Variants in LRMDA observed in about 807,000 individuals in gnomAD.
LRMDA encodes the protein leucine rich melanocyte differentiation associated, also known as leucine-rich melanocyte differentiation-associated protein.
LRMDA carries 18 observed loss-of-function variants against 29.8 expected under a neutral mutation model. That is an observed-to-expected ratio of 0.60 (90% confidence interval 0.42 to 0.90). The LOEUF is 0.90. LRMDA is among the 40% of genes least tolerant of loss of function. The pLI is 0.00. For synonymous variants in LRMDA, 125 were observed against 109.4 expected, an observed-to-expected ratio of 1.14 and a Z score of -0.89; for missense variants, 273 against 273.9, an observed-to-expected ratio of 1.00 and a Z score of 0.02.
chr10:75,602,410 G>A (rs1403564983), intron 2 of LRMDA, among the ~76,000 whole-genome samples: 1 of 152,124 alleles, frequency 6.6e-6, no homozygotes, highest in African/African-American at 2.4e-5. Context: ...TGAAGATATT[G>A]TTTTATTTTG....
intron 2 of LRMDA, among the ~76,000 whole-genome samples, chr10:75,739,673 AACTC>A (rs759393233): frequency 3.9e-5 from 6 of 152,208 alleles, no homozygotes; most frequent in Non-Finnish European, 7.3e-5. Flanking sequence ...ACTGATATAA[AACTC>A]ACACTTGAGA....
At chr10:75,464,316 A>C (rs1844626130) in intron 2 of LRMDA, among the ~76,000 whole-genome samples, 1 of 152,224 alleles carries the variant, frequency 6.6e-6, no homozygotes. Context: ...AAGGACATGT[A>C]CTAATGTTTG....
chr10:76,214,633 C>T (rs988758019), intron 5 of LRMDA, among the ~76,000 whole-genome samples: 24 of 152,206 alleles, frequency 1.6e-4, no homozygotes, highest in African/African-American at 5.5e-4. Flanking sequence ...TGTGAGCCAC[C>T]GCGCCCGGCC....
intron 6 of LRMDA, among the ~76,000 whole-genome samples, chr10:76,390,469 T>C (rs1287718048): frequency 4.1e-5 from 6 of 147,058 alleles, no homozygotes; most frequent in African/African-American, 1.3e-4. Flanking sequence ...TGGTGGTAGA[T>C]AGCATTGAAA....
chr10:75,986,260 C>T (rs1377249985), intron 2 of LRMDA, among the ~76,000 whole-genome samples: 1 of 152,160 alleles, frequency 6.6e-6, no homozygotes, highest in Non-Finnish European at 1.5e-5. Flanking sequence ...ACTACAATCT[C>T]GTGAAACTCT....
chr10:75,433,058 C>G (rs925971788), intron 1 of LRMDA, among the ~76,000 whole-genome samples: 2 of 152,004 alleles, frequency 1.3e-5, no homozygotes, highest in African/African-American at 4.8e-5. Flanking sequence ...CTAAAAATGA[C>G]GGGTCTTGTT....
chr10:76,471,096 G>C lies in LRMDA; in HGVS notation c.602-86113G>C, dbSNP rs371264415. On this transcript the variant is annotated intron_variant, in intron 6 of 6. Coordinates refer to ENST00000611255, the MANE Select transcript of LRMDA (RefSeq NM_001305581.2). ...ACCTGTATTGGTGTAAGGAAATGGC[G>C]CCAGATGGTAACCCAAATCTATAGG... 4.0e-5 allele frequency among the ~76,000 whole-genome samples: 6 copies of C among 151,850 alleles called. 1 individual carries two copies. The highest frequency in any genetic ancestry group is 4.2e-4 in the South Asian group (2 of 4,818).
intron 2 of LRMDA, among the ~76,000 whole-genome samples, chr10:75,516,311 A>G (rs946418126): frequency 6.6e-6 from 1 of 152,068 alleles, no homozygotes; most frequent in African/African-American, 2.4e-5. Flanking sequence ...ACTAATTTAC[A>G]CTCCCACCAA....
At chr10:76,438,535 T>C (rs1430775411) in intron 6 of LRMDA, 1 of 152,102 alleles carries the variant, frequency 6.6e-6, no homozygotes, top group African/African-American at 2.4e-5. Flanking sequence ...ATGGGGAGAT[T>C]ACCTGGCCAA....
At chr10:76,380,174 A>G (rs973832602) in intron 6 of LRMDA, among the ~76,000 whole-genome samples, 3 of 152,154 alleles carry the variant, frequency 2.0e-5, no homozygotes, top group Admixed American at 6.5e-5. Flanking sequence ...AGAAGAATGT[A>G]TATTCTGTGG....
chr10:76,240,447 A>G (rs1332233640), intron 5 of LRMDA, among the ~76,000 whole-genome samples: 1 of 148,154 alleles, frequency 6.7e-6, no homozygotes, highest in Non-Finnish European at 1.5e-5. Flanking sequence ...TATAATATAT[A>G]CATGTTATAT....
In LRMDA at chr10:76,422,742, A is replaced by G. The variant is rs191483558; in HGVS notation, c.601+98257A>G. On this transcript the variant is annotated intron_variant, in intron 6 of 6. Coordinates refer to ENST00000611255, the MANE Select transcript of LRMDA (RefSeq NM_001305581.2). ...ATGGAAATAACTATTTTGGAAGAAT[A>G]GAAGTGAAAGGTTTGCTGTTGTTTG... 2.7e-3 allele frequency among the ~76,000 whole-genome samples: 412 copies of G among 152,358 alleles called. 1 individual carries two copies. The highest frequency in any genetic ancestry group is 9.3e-3 in the African/African-American group (385 of 41,580).
At chr10:75,563,824 A>C (rs186650982) in intron 2 of LRMDA, among the ~76,000 whole-genome samples, 34 of 152,242 alleles carry the variant, frequency 2.2e-4, no homozygotes, top group Middle Eastern at 3.4e-3. Flanking sequence ...GGGTATCAGC[A>C]GCGGTGGCTG....
intron 2 of LRMDA, among the ~76,000 whole-genome samples, chr10:75,520,023 T>G (rs934343209): frequency 6.6e-6 from 1 of 152,254 alleles, no homozygotes; most frequent in African/African-American, 2.4e-5. Context: ...GTCTTCTGGC[T>G]TGTTGGGTTT....
At chr10:75,791,856 CTTTTTTTTT>C (rs5786188) in intron 2 of LRMDA, among the ~76,000 whole-genome samples, 4 of 102,066 alleles carry the variant, frequency 3.9e-5, no homozygotes, top group Admixed American at 1.2e-4. Context: ...ATTCCAGGAT[CTTTTTTTTT>C]TTTTTTTTTT....
intron 5 of LRMDA, among the ~76,000 whole-genome samples, chr10:76,287,347 C>A (rs2132342432): frequency 6.6e-6 from 1 of 152,158 alleles, no homozygotes; most frequent in South Asian, 2.1e-4. Flanking sequence ...GAATTCCTGC[C>A]CAGCCACTCT....
chr10:76,116,808 A>G (rs551222867), intron 5 of LRMDA, among the ~76,000 whole-genome samples: 54 of 152,200 alleles, frequency 3.5e-4, no homozygotes, highest in African/African-American at 1.3e-3. Context: ...TCATCTGGTG[A>G]GCCTGGCTTC....
intron 5 of LRMDA, among the ~76,000 whole-genome samples, chr10:76,210,633 G>A (rs184995705): frequency 3.6e-4 from 55 of 152,310 alleles, no homozygotes; most frequent in Non-Finnish European, 6.2e-4. Flanking sequence ...GGGTTAGTGG[G>A]AACAGTGGTG....
intron 2 of LRMDA, among the ~76,000 whole-genome samples, chr10:75,708,550 G>A (rs1213854957): frequency 6.6e-6 from 1 of 152,112 alleles, no homozygotes; most frequent in African/African-American, 2.4e-5. Context: ...GGAGTGCATG[G>A]GAGGTGTGGG....
Sources: gnomAD v4.1 joint callset for allele counts (sites outside exome capture counted in the v4.1 genomes callset) on GRCh38, gnomAD v4.1.1 for gene constraint, MANE v1.5 for transcripts, NCBI Gene and HGNC (gene_info 2026-07-23, HGNC 2026-07-21) for gene names.